Variants in ASNS observed in about 807,000 individuals in gnomAD.
ASNS encodes the protein asparagine synthetase (glutamine-hydrolyzing), also known as asparagine synthetase [glutamine-hydrolyzing].
A neutral mutation model predicts 62.6 loss-of-function variants in ASNS; 37 were observed. The observed-to-expected ratio is 0.59, with a 90% CI of 0.45 to 0.78. The LOEUF (loss-of-function observed/expected upper bound fraction) is 0.78, where lower values mean the gene tolerates loss of function less well. ASNS is among the 30% of genes least tolerant of loss of function. The pLI is 0.00. For synonymous variants in ASNS, 207 were observed against 237.9 expected, an observed-to-expected ratio of 0.87 and a Z score of 1.19; for missense variants, 520 against 682.4, an observed-to-expected ratio of 0.76 and a Z score of 2.65.
chr7:97,866,026 G>C (rs145556213), intron 3 of ASNS, among the ~76,000 whole-genome samples: 1 of 152,108 alleles, frequency 6.6e-6, no homozygotes, highest in African/African-American at 2.4e-5. Flanking sequence ...TCAGATTTTG[G>C]AGCATTTCAA....
the ASNS span, among the ~76,000 whole-genome samples, chr7:97,889,927 CAAA>C: frequency 0.011 from 424 of 38,590 alleles, no homozygotes; most frequent in African/African-American, 0.04. Context: ...ATAATGAATA[CAAA>C]AAAAAAAAAA....
intron 3 of ASNS, among the ~76,000 whole-genome samples, chr7:97,865,671 C>T (rs1208347611): frequency 2.0e-5 from 3 of 152,198 alleles, no homozygotes; most frequent in African/African-American, 7.2e-5. Context: ...TTCCTTATCA[C>T]TGCTGCTCAT....
At position 97,868,519 on chromosome 7, in the gene ASNS, A is replaced by ATGTGTGTGTGTGTG. The variant is rs61611439; in HGVS notation, c.249+375_249+388dup. Among the ~76,000 whole-genome samples, 553 of 122,984 alleles carry ATGTGTGTGTGTGTG rather than the reference A, an allele frequency of 4.5e-3. 2 individuals are homozygous for ATGTGTGTGTGTGTG. Among genetic ancestry groups the ATGTGTGTGTGTGTG allele is most frequent in the African/African-American group, 0.014 (477 of 33,490 alleles). 80.7% of individuals were successfully genotyped at this position (122,984 alleles called of 152,430 possible). ...TACTCTCAAATGATTCAGCAAAAAC[A>ATGTGTGTGTGTGTG]TGTGTGTGTGTGTGTGTGTGTGTGT... On this transcript the variant is annotated intron_variant, in intron 3 of 12. Transcript: ENST00000394308.
chr7:97,892,628 T>C, the ASNS span, among the ~76,000 whole-genome samples: 20 of 152,062 alleles, frequency 1.3e-4, no homozygotes, highest in African/African-American at 4.6e-4. Context: ...AAATACCCTA[T>C]CAGATACCCT....
the ASNS span, among the ~76,000 whole-genome samples, chr7:97,888,990 G>A: frequency 1.3e-5 from 2 of 152,014 alleles, no homozygotes; most frequent in African/African-American, 4.8e-5. Context: ...CACCACCCAG[G>A]AGCCCAGTGG....
At chr7:97,927,071 C>CCTT in the ASNS span, among the ~76,000 whole-genome samples, 5 of 40,528 alleles carry the variant, frequency 1.2e-4, no homozygotes, top group South Asian at 1.4e-3. Context: ...CCACACCTGG[C>CCTT]TTTTTTTTTT....
At chr7:97,868,519 A>ATGTGTGTG (rs61611439) in intron 3 of ASNS, among the ~76,000 whole-genome samples, 23,488 of 122,812 alleles carry the variant, frequency 0.19, 2,207 homozygotes, top group African/African-American at 0.33. Context: ...CAGCAAAAAC[A>ATGTGTGTG]TGTGTGTGTG....
the ASNS span, among the ~76,000 whole-genome samples, chr7:97,888,214 T>C: frequency 6.6e-6 from 1 of 152,178 alleles, no homozygotes; most frequent in Non-Finnish European, 1.5e-5. Context: ...CCTCAAGCAG[T>C]CCTCCTGCCT....
chr7:97,885,352 A>G, the ASNS span, among the ~76,000 whole-genome samples: 1 of 152,250 alleles, frequency 6.6e-6, no homozygotes, highest in African/African-American at 2.4e-5. Flanking sequence ...TGCTATGAGC[A>G]TTTGTGTACA....
At chr7:97,928,078 T>G in the ASNS span, 1 of 1,479,464 alleles carries the variant, frequency 6.8e-7, no homozygotes, top group South Asian at 1.2e-5. Context: ...CCCGCGTCAC[T>G]TACTCCTCTG....
At chr7:97,892,471 C>T in the ASNS span, among the ~76,000 whole-genome samples, 2 of 152,122 alleles carry the variant, frequency 1.3e-5, no homozygotes, top group Non-Finnish European at 2.9e-5. Flanking sequence ...ATTTTCTTTT[C>T]TATTGCATTG....
chr7:97,896,345 T>C, the ASNS span, among the ~76,000 whole-genome samples: 1 of 151,328 alleles, frequency 6.6e-6, no homozygotes, highest in Non-Finnish European at 1.5e-5. Flanking sequence ...TCCCAGCACT[T>C]TGGGAGGCCA....
the ASNS span, among the ~76,000 whole-genome samples, chr7:97,902,639 G>A: frequency 5.9e-5 from 9 of 152,228 alleles, no homozygotes; most frequent in African/African-American, 1.7e-4. Flanking sequence ...GAGGACTGCT[G>A]GAGCCCAGGA....
Position 97,869,178 on chromosome 7 carries a change from T to G in ASNS, c.-22A>C. 6.2e-7 allele frequency: 1 copy of G among 1,607,382 alleles called. No homozygotes were observed. The highest frequency in any genetic ancestry group is 8.5e-7 in the Non-Finnish European group (1 of 1,174,840). On this transcript the variant is annotated splice_region_variant and 5_prime_UTR_variant, in exon 3 of 13. Transcript: ENST00000394308. Reference sequence around the variant, plus strand: ...ACATGGTGCAATGAAGCTATAAGCTTTCTATGGAGAGAAAAGCAGACAAAT... The same window carrying G: ...ACATGGTGCAATGAAGCTATAAGCTGTCTATGGAGAGAAAAGCAGACAAAT...
intron 3 of ASNS, among the ~76,000 whole-genome samples, chr7:97,868,150 T>G (rs1167352146): frequency 6.6e-6 from 1 of 151,960 alleles, no homozygotes. Flanking sequence ...TTTACTAAAA[T>G]ACAAAAAATT....
At chr7:97,858,520 G>T in intron 6 of ASNS, 115 bp from the exon 7 acceptor site, 2 of 1,338,278 alleles carry the variant, frequency 1.5e-6, no homozygotes, top group Non-Finnish European at 2.0e-6. Flanking sequence ...TTTAAAATCC[G>T]CCAAGTTTTA....
the ASNS span, among the ~76,000 whole-genome samples, chr7:97,891,399 C>CA: frequency 2.0e-5 from 3 of 152,184 alleles, no homozygotes; most frequent in Non-Finnish European, 4.4e-5. Flanking sequence ...TGGCCCTTCC[C>CA]AAATCTCATA....
chr7:97,924,071 G>A, the ASNS span, among the ~76,000 whole-genome samples: 17 of 151,702 alleles, frequency 1.1e-4, no homozygotes, highest in Non-Finnish European at 2.2e-4. Context: ...ATCAAGATCC[G>A]GCCTGCCAAC....
At chr7:97,859,511 C>T (rs181259864) in intron 4 of ASNS, 113 bp from the exon 5 acceptor site, 1 of 1,165,782 alleles carries the variant, frequency 8.6e-7, no homozygotes, top group Non-Finnish European at 1.1e-6. Flanking sequence ...CAAACACATA[C>T]CCATTAAATA....
Sources: gnomAD v4.1 joint callset for allele counts (sites outside exome capture counted in the v4.1 genomes callset) on GRCh38, gnomAD v4.1.1 for gene constraint, MANE v1.5 for transcripts, NCBI Gene and HGNC (gene_info 2026-07-23, HGNC 2026-07-21) for gene names.